Variants in NTM observed in about 807,000 individuals in gnomAD.
NTM encodes the protein IgLON family member 2.
In NTM, 13 loss-of-function variants were observed where a neutral mutation model predicts 42.1. The observed-to-expected ratio is 0.31, with a 90% CI of 0.20 to 0.49. The LOEUF is 0.49. Ranked by LOEUF, NTM falls within the 20% of genes least tolerant of loss-of-function variation. The pLI, the probability that NTM is intolerant of heterozygous loss-of-function variation, is 0.99. For missense variants in NTM, 373 were observed against 452.8 expected (o/e 0.82, Z 1.60); for synonymous variants, 187 against 179.2 (o/e 1.04, Z -0.35).
intron 1 of NTM, among the ~76,000 whole-genome samples, chr11:131,433,352 G>A (rs1344615355): frequency 1.3e-5 from 2 of 152,056 alleles, no homozygotes; most frequent in African/African-American, 2.4e-5. Flanking sequence ...TATTTTCTGT[G>A]TATGTCTATT....
At chr11:131,731,274 T>C (rs2658871) in intron 1 of NTM, among the ~76,000 whole-genome samples, 77,422 of 151,926 alleles carry the variant, frequency 0.51, 20,711 homozygotes, top group African/African-American at 0.67. Flanking sequence ...CTCTTCATTA[T>C]GTTCACCTGT....
chr11:132,049,843 T>G (rs1051192427), intron 2 of NTM, among the ~76,000 whole-genome samples: 5 of 152,094 alleles, frequency 3.3e-5, no homozygotes, highest in Non-Finnish European at 5.9e-5. Flanking sequence ...ATGTCTCTGA[T>G]TTGATGGAGG....
At chr11:131,458,216 G>A (rs1166598105) in intron 1 of NTM, among the ~76,000 whole-genome samples, 2 of 152,190 alleles carry the variant, frequency 1.3e-5, no homozygotes, top group Non-Finnish European at 2.9e-5. Context: ...GGTGCCTTAT[G>A]CAGGAGAGCA....
chr11:131,817,680 C>T (rs1229800881), intron 1 of NTM, among the ~76,000 whole-genome samples: 2 of 152,240 alleles, frequency 1.3e-5, no homozygotes, highest in East Asian at 1.9e-4. Flanking sequence ...CTCTGAGCTT[C>T]CATGAGGATG....
At chr11:131,401,816 A>ATATATATATATATATATGTGTG (rs1945197280) in intron 1 of NTM, among the ~76,000 whole-genome samples, 3 of 33,266 alleles carry the variant, frequency 9.0e-5, no homozygotes, top group Non-Finnish European at 1.7e-4. Context: ...ATATATATAT[A>ATATATATATATATATATGTGTG]TATATATATA....
At chr11:131,413,420 A>G (rs546746527) in intron 1 of NTM, among the ~76,000 whole-genome samples, 1 of 152,304 alleles carries the variant, frequency 6.6e-6, no homozygotes, top group African/African-American at 2.4e-5. Context: ...AGTTGAGTAC[A>G]AGTTGCGAAC....
intron 1 of NTM, among the ~76,000 whole-genome samples, chr11:131,885,364 C>T (rs2050213513): frequency 6.6e-6 from 1 of 152,214 alleles, no homozygotes; most frequent in Admixed American, 6.5e-5. Context: ...CTCAAGCCTG[C>T]ACTGGCTACA....
chr11:131,833,408 G>C (rs1006547973), intron 1 of NTM, among the ~76,000 whole-genome samples: 1 of 152,152 alleles, frequency 6.6e-6, no homozygotes, highest in African/African-American at 2.4e-5. Context: ...ACACCATGAA[G>C]TAGATACTAA....
intron 4 of NTM, among the ~76,000 whole-genome samples, chr11:132,288,028 A>G (rs1285214300): frequency 6.6e-6 from 1 of 152,252 alleles, no homozygotes; most frequent in Admixed American, 6.5e-5. Flanking sequence ...GTTTCTTTAT[A>G]TGCTTTGTGA....
At chr11:131,696,460 G>A (rs1242277899) in intron 1 of NTM, among the ~76,000 whole-genome samples, 1 of 152,160 alleles carries the variant, frequency 6.6e-6, no homozygotes, top group African/African-American at 2.4e-5. Flanking sequence ...CTGCCCACAA[G>A]CCTGGATCAG....
chr11:132,266,772 GAGA>G (rs2093207509), intron 4 of NTM, among the ~76,000 whole-genome samples: 1 of 152,200 alleles, frequency 6.6e-6, no homozygotes, highest in African/African-American at 2.4e-5. Context: ...AGGAGTTTCA[GAGA>G]GGAAAAGCTG....
chr11:131,712,872 A>G (rs2077319205), intron 1 of NTM, among the ~76,000 whole-genome samples: 1 of 152,118 alleles, frequency 6.6e-6, no homozygotes, highest in Admixed American at 6.6e-5. Flanking sequence ...TGCCCGGCCA[A>G]GACAAGTGAA....
In NTM at chr11:131,850,746, C is replaced by T. The variant is rs140571380; in HGVS notation, c.83-60818C>T. Among the ~76,000 whole-genome samples, 638 of 152,210 alleles carry T rather than the reference C, an allele frequency of 4.2e-3. 4 individuals carry two copies. The highest frequency in any genetic ancestry group is 0.013 in the African/African-American group (553 of 41,506). The stretch of plus-strand genomic sequence containing the variant: ...CAGGCGGTGCCATCGGATTTGGCTG[C>T]GATTGTCTCGTCGATAAATGTCCTG... On this transcript the variant is annotated intron_variant, in intron 1 of 8. Transcript: ENST00000683400.
chr11:132,137,665 G>A (rs1039416833), intron 2 of NTM, among the ~76,000 whole-genome samples: 2 of 152,200 alleles, frequency 1.3e-5, no homozygotes, highest in Non-Finnish European at 2.9e-5. Context: ...GCCACGAACA[G>A]GAAGGCACTG....
intron 1 of NTM, among the ~76,000 whole-genome samples, chr11:131,438,870 T>G (rs2135960961): frequency 6.6e-6 from 1 of 152,278 alleles, no homozygotes; most frequent in Non-Finnish European, 1.5e-5. Context: ...GACGCTCTGG[T>G]TTTTAGAATT....
intron 1 of NTM, among the ~76,000 whole-genome samples, chr11:131,594,656 C>T (rs2059661051): frequency 6.6e-6 from 1 of 152,168 alleles, no homozygotes; most frequent in Non-Finnish European, 1.5e-5. Context: ...ACCTCAGCCT[C>T]CCAGAGTGCT....
At chr11:132,027,779 G>A (rs1296281059) in intron 2 of NTM, among the ~76,000 whole-genome samples, 1 of 152,120 alleles carries the variant, frequency 6.6e-6, no homozygotes, top group Non-Finnish European at 1.5e-5. Context: ...TTTGGTTTCT[G>A]TCATAAATTT....
At chr11:132,096,951 A>C (rs780881419) in intron 2 of NTM, among the ~76,000 whole-genome samples, 2 of 152,194 alleles carry the variant, frequency 1.3e-5, no homozygotes, top group Non-Finnish European at 2.9e-5. Context: ...GCAGACACTA[A>C]GTGTCTAGCA....
At chr11:132,311,586 C>T (rs10894534) in intron 6 of NTM, among the ~76,000 whole-genome samples, 14,053 of 152,118 alleles carry the variant, frequency 0.092, 1,015 homozygotes, top group East Asian at 0.37. Flanking sequence ...GTTTCCTCTT[C>T]GACCTTCTTA....
Sources: allele counts gnomAD v4.1 joint callset (sites outside exome capture counted in the v4.1 genomes callset), GRCh38; gene constraint gnomAD v4.1.1; transcripts MANE v1.5; gene names NCBI Gene and HGNC (gene_info 2026-07-23, HGNC 2026-07-21).